The following FBXL19 variants were observed in gnomAD, a reference collection of about 807,000 sequenced individuals.
FBXL19 encodes F-box and leucine rich repeat protein 19, also known as F-box/LRR-repeat protein 19.
FBXL19 carries 16 observed loss-of-function variants against 71.2 expected under a neutral mutation model. That is an observed-to-expected ratio of 0.22 (90% CI 0.15 to 0.34). FBXL19 has a LOEUF of 0.34. Ranked by LOEUF, FBXL19 falls within the 10% of genes least tolerant of loss-of-function variation. FBXL19 has a pLI of 1.00. For synonymous variants in FBXL19, 447 were observed against 409.4 expected (o/e 1.09, Z -1.11); for missense variants, 658 against 968.2 (o/e 0.68, Z 4.25).
chr16:30,929,970 G>C, intron 6 of FBXL19, 103 bp from the exon 7 acceptor site: 1 of 1,465,824 alleles, frequency 6.8e-7, no homozygotes, highest in Non-Finnish European at 9.2e-7. Context: ...CTGGAACTCA[G>C]GACTGTCCCT....
intron 1 of FBXL19, chr16:30,924,707 C>T (rs759513547): frequency 6.7e-7 from 1 of 1,487,956 alleles, no homozygotes; most frequent in Non-Finnish European, 8.9e-7. Context: ...TCCCCTGGAG[C>T]GCTGGAGGGC....
intron 7 of FBXL19, among the ~76,000 whole-genome samples, chr16:30,933,418 T>C (rs138698281): frequency 2.6e-5 from 4 of 151,910 alleles, no homozygotes; most frequent in Non-Finnish European, 5.9e-5. Context: ...GGATTACAGG[T>C]GTGAGCCACC....
intron 7 of FBXL19, among the ~76,000 whole-genome samples, chr16:30,932,533 T>C (rs1248370486): frequency 6.6e-6 from 1 of 152,208 alleles, no homozygotes; most frequent in African/African-American, 2.4e-5. Context: ...GGACTCTGCA[T>C]CCTTGAGTTT....
chr16:30,935,503 AG>A (rs770521322), intron 7 of FBXL19, among the ~76,000 whole-genome samples: 1 of 152,124 alleles, frequency 6.6e-6, no homozygotes, highest in Non-Finnish European at 1.5e-5. Context: ...TTGAGATGCA[AG>A]GAAGAGGGTT....
chr16:30,933,260 C>T (rs1027804933), intron 7 of FBXL19, among the ~76,000 whole-genome samples: 3 of 152,168 alleles, frequency 2.0e-5, no homozygotes, highest in East Asian at 3.9e-4. Context: ...GCCTCAGCCT[C>T]CCAAAGTGCT....
intron 7 of FBXL19, among the ~76,000 whole-genome samples, chr16:30,941,316 A>C (rs909009754): frequency 6.6e-6 from 1 of 152,080 alleles, no homozygotes; most frequent in African/African-American, 2.4e-5. Context: ...TCTCTACAAA[A>C]AAATTGTTTA....
Position 30,942,420 on chromosome 16 carries a change from C to A in FBXL19, c.1511C>A (p.Ser504Tyr). The change falls in exon 9 of 11, where the codon TCT becomes TAT. Residue 504 changes from serine (S) to tyrosine (Y), a missense_variant. This residue lies in a region of FBXL19 where 21 missense variants were observed against 45.1 expected (regional missense o/e 0.47). Transcript: ENST00000338343. The surrounding 1 kb of genome is among the most constrained non-coding windows in gnomAD (Gnocchi z 5.7). ...TCTGGCTGCTCCTGGCTCTCTGTCTCTGCCCTGGGCTCAGCCCCACTGCCA... is the reference window on the plus strand; with the variant it reads ...TCTGGCTGCTCCTGGCTCTCTGTCTATGCCCTGGGCTCAGCCCCACTGCCA... ...VLSGCSWLSV[S>Y]ALGSAPLPAL... The A allele has an allele frequency of 6.2e-7, 1 of 1,608,960 alleles. No individual in the cohort carries two copies. The highest frequency in any genetic ancestry group is 1.1e-5 in the South Asian group (1 of 89,928).
In FBXL19 at chr16:30,925,148, G is replaced by A. The variant is rs987827879; in HGVS notation, c.-24-583G>A. Reference sequence around the variant, plus strand: ...AGAGGAGATCGTTAGGGACTTGGGGGCAAGGATCTCGCTGGATCTGGTGAG... The same window carrying A: ...AGAGGAGATCGTTAGGGACTTGGGGACAAGGATCTCGCTGGATCTGGTGAG... On this transcript the variant is annotated intron_variant, in intron 1 of 10. Coordinates refer to ENST00000338343, the MANE Select transcript of FBXL19 (RefSeq NM_001382779.1). This position sits in a 1 kb window ranked among gnomAD's most constrained non-coding sequence, Gnocchi z 5.0. Among the ~76,000 whole-genome samples the A allele has an allele frequency of 6.6e-6, 1 of 152,090 alleles. No individual in the cohort carries two copies. Among genetic ancestry groups the A allele is most frequent in the Non-Finnish European group, 1.5e-5 (1 of 68,000 alleles).
At chr16:30,924,714 G>T in intron 1 of FBXL19, 1 of 1,494,336 alleles carries the variant, frequency 6.7e-7, no homozygotes. Context: ...GAGCGCTGGA[G>T]GGCCCCTTAG....
At chr16:30,924,554 G>A in intron 1 of FBXL19, 95 bp downstream of exon 1, 2 of 1,306,202 alleles carry the variant, frequency 1.5e-6, no homozygotes, top group African/African-American at 1.6e-5. Context: ...CCCGCCCCCA[G>A]CCTCACCCTC....
rs1467779354 is a variant in FBXL19, at chr16:30,924,257, G to C, written c.-227G>C. 1 of 152,002 alleles carries C rather than the reference G, an allele frequency of 6.6e-6. No individual in the cohort carries two copies. The highest frequency in any genetic ancestry group is 2.4e-5 in the African/African-American group (1 of 41,374). The allele number at this position is 152,002 out of a possible 1,614,324, so 9.4% of individuals were successfully genotyped here. On this transcript the variant is annotated 5_prime_UTR_variant, in exon 1 of 11. Coordinates refer to ENST00000338343, the MANE Select transcript of FBXL19 (RefSeq NM_001382779.1). Reference sequence around the variant, plus strand: ...GGGCCGCGCCGCAGCCCGTGGGAGGGCCTCGCCCCCGGCGCCCCCCATCTC... The same window carrying C: ...GGGCCGCGCCGCAGCCCGTGGGAGGCCCTCGCCCCCGGCGCCCCCCATCTC...
intron 7 of FBXL19, among the ~76,000 whole-genome samples, chr16:30,935,807 C>T (rs935909053): frequency 3.9e-5 from 6 of 152,016 alleles, no homozygotes; most frequent in African/African-American, 1.5e-4. Context: ...GGACTCATTG[C>T]GGGGTGGCTG....
intron 9 of FBXL19, among the ~76,000 whole-genome samples, chr16:30,945,019 C>T (rs1002277522): frequency 1.3e-5 from 2 of 152,108 alleles, no homozygotes; most frequent in African/African-American, 4.8e-5. Flanking sequence ...CCACATCTTA[C>T]GATTCTTCAA....
Position 30,942,066 on chromosome 16 carries a change from C to G in FBXL19, c.1302-50C>G. ...AGCTGGGGAGCCTGGGAACTGTGGG[C>G]TGCTGAGAGCTGAGGGCTGAGGTCT... On this transcript the variant is annotated intron_variant, in intron 7 of 10. Transcript: ENST00000338343. This position sits in a 1 kb window ranked among gnomAD's most constrained non-coding sequence, Gnocchi z 5.7. The G allele has an allele frequency of 6.8e-7, 1 of 1,473,560 alleles. No individual in the cohort carries two copies. Among genetic ancestry groups the G allele is most frequent in the Middle Eastern group, 2.1e-4 (1 of 4,752 alleles). 91.3% of individuals were successfully genotyped at this position (1,473,560 alleles called of 1,614,324 possible).
chr16:30,930,384 C>A lies in FBXL19; in HGVS notation c.1101C>A (p.Gly367=). Residue 367 remains glycine (G), a synonymous_variant, in exon 7 of 11, where the codon GGC becomes GGA. Transcript: ENST00000338343. The surrounding 1 kb of genome is among the most constrained non-coding windows in gnomAD (Gnocchi z 8.5). The part of the protein sequence containing the change: ...SGGPLLSWPL[G]PAPPPRPPQL... The stretch of plus-strand genomic sequence containing the variant: ...GGCCCCTACTCAGCTGGCCCCTGGG[C>A]CCAGCCCCACCACCCCGGCCTCCAC... The A allele has an allele frequency of 6.5e-7, 1 of 1,539,860 alleles. No homozygotes were observed. The highest frequency in any genetic ancestry group is 8.7e-7 in the Non-Finnish European group (1 of 1,148,840).
At chr16:30,926,726 C>T (rs572799187) in intron 2 of FBXL19, among the ~76,000 whole-genome samples, 2 of 152,236 alleles carry the variant, frequency 1.3e-5, no homozygotes, top group East Asian at 3.9e-4. Context: ...CTGCATCTTC[C>T]TTGATCCTGC....
At chr16:30,936,997 TC>T (rs1256956145) in intron 7 of FBXL19, among the ~76,000 whole-genome samples, 2 of 151,928 alleles carry the variant, frequency 1.3e-5, no homozygotes, top group Non-Finnish European at 2.9e-5. Flanking sequence ...CTCCTTGGCC[TC>T]CCAAAGTGCT....
chr16:30,942,473 A>G lies in FBXL19; in HGVS notation c.1564A>G (p.Ile522Val). ...PALRLLDLRW[I>V]EDVKDSQLRE... ...CCTGCGGCTCCTGGACCTCCGCTGG[A>G]TCGAGGATGTTAAAGACTCCCAGCT... is the stretch of plus-strand genomic sequence containing the variant. The change falls in exon 9 of 11, where the codon ATC (isoleucine) becomes GTC (valine). Residue 522 changes from isoleucine (I) to valine (V), a missense_variant. By Grantham distance (29) the Ile-to-Val change is conservative. Transcript: ENST00000338343. The surrounding 1 kb of genome is among the most constrained non-coding windows in gnomAD (Gnocchi z 5.7). The G allele has an allele frequency of 6.2e-7, 1 of 1,601,636 alleles. No individual in the cohort carries two copies. The highest frequency in any genetic ancestry group is 1.1e-5 in the South Asian group (1 of 88,808).
chr16:30,944,279 T>C (rs1331315384), intron 9 of FBXL19, among the ~76,000 whole-genome samples: 1 of 150,306 alleles, frequency 6.7e-6, no homozygotes, highest in East Asian at 2.0e-4. Context: ...GTCATGGGGG[T>C]TTGTTGTACC....
Sources: gnomAD v4.1 joint callset for allele counts (sites outside exome capture counted in the v4.1 genomes callset) on GRCh38, gnomAD v4.1.1 for gene constraint, gnomAD v4.1.1 regional missense constraint, Gnocchi (gnomAD v3.1) non-coding constraint, MANE v1.5 for transcripts, NCBI Gene and HGNC (gene_info 2026-07-23, HGNC 2026-07-21) for gene names.